Variants in SFXN5 observed in about 807,000 individuals in gnomAD.
The protein encoded by SFXN5 is sideroflexin 5, also known as sideroflexin-5.
A neutral mutation model predicts 50.2 loss-of-function variants in SFXN5; 43 were observed. The ratio of observed to expected loss-of-function variants is 0.86; its 90% CI spans 0.67 to 1.11. The LOEUF (loss-of-function observed/expected upper bound fraction) is 1.11. Ranked by LOEUF, SFXN5 falls within the 50% of genes least tolerant of loss-of-function variation. The pLI, the probability that SFXN5 is intolerant of heterozygous loss-of-function variation, is 0.00. For synonymous variants in SFXN5, 203 were observed against 185.8 expected (o/e 1.09, Z -0.75); for missense variants, 463 against 454.1 (o/e 1.02, Z -0.18).
intron 3 of SFXN5, among the ~76,000 whole-genome samples, chr2:73,024,778 G>C (rs1677346234): frequency 6.6e-6 from 1 of 152,178 alleles, no homozygotes; most frequent in Non-Finnish European, 1.5e-5. Context: ...TTTTATAATA[G>C]AATGGTTGTT....
At position 73,024,084 on chromosome 2, in the gene SFXN5, CT is replaced by C. The variant is rs769294520; in HGVS notation, c.250-871del. Among the ~76,000 whole-genome samples, 228 of 145,638 alleles carry C rather than the reference CT, an allele frequency of 1.6e-3. 1 individual carries two copies. The highest frequency in any genetic ancestry group is 2.6e-3 in the East Asian group (13 of 5,046). On this transcript the variant is annotated intron_variant, in intron 3 of 13. Transcript: ENST00000272433. ...ATTTTACAGATGTGATAAAGTAGGC[CT>C]TTTTTTTTTTTCACTGCAACCTCTG...
intron 2 of SFXN5, among the ~76,000 whole-genome samples, chr2:73,057,853 T>C (rs1186222657): frequency 1.3e-5 from 2 of 152,202 alleles, no homozygotes; most frequent in Non-Finnish European, 2.9e-5. Flanking sequence ...TCCTGCCACC[T>C]TGTGAAGAAG....
chr2:73,004,522 C>A (rs191431985), intron 6 of SFXN5, among the ~76,000 whole-genome samples: 3 of 152,084 alleles, frequency 2.0e-5, no homozygotes, highest in Non-Finnish European at 2.9e-5. Context: ...GTGAGTGTGT[C>A]CCGGCTATCT....
In SFXN5 at chr2:72,950,559, C is replaced by G. The variant is rs1339042122; in HGVS notation, c.946-5460G>C. On this transcript the variant is annotated intron_variant, in intron 13 of 13. Coordinates refer to ENST00000272433, the MANE Select transcript of SFXN5 (RefSeq NM_144579.3). This position sits in a 1 kb window ranked among gnomAD's most constrained non-coding sequence, Gnocchi z 4.2. Reference sequence around the variant, plus strand: ...CTAGGGGAGGCTGGGGCAGGAACCCCTGAGTTGCCTGCTCACCTATATGTG... The same window carrying G: ...CTAGGGGAGGCTGGGGCAGGAACCCGTGAGTTGCCTGCTCACCTATATGTG... Among the ~76,000 whole-genome samples, 2 of 152,190 alleles carry G rather than the reference C, an allele frequency of 1.3e-5. No homozygotes were observed. Among genetic ancestry groups the G allele is most frequent in the Non-Finnish European group, 2.9e-5 (2 of 68,026 alleles).
rs1559086583 is a variant in SFXN5 at position 72,958,703 on chromosome 2, C to CA, written c.945+2427_945+2428insT. ...ATGTCAGAGACCACTGAGAAATACC[C>CA]GCCTTCCCTCTTCAGGGCTACTAGG... On this transcript the variant is annotated intron_variant, in intron 13 of 13. Coordinates refer to ENST00000272433, the MANE Select transcript of SFXN5 (RefSeq NM_144579.3). 2.3e-3 allele frequency among the ~76,000 whole-genome samples: 13 copies of CA among 5,732 alleles called. No homozygotes were observed. The African/African-American group carries it at 0.029, about 13-fold the overall frequency. 3.8% of individuals were successfully genotyped at this position (5,732 alleles called of 152,430 possible). A position where few individuals can be genotyped will look rare whatever the true frequency, so the allele number is the denominator to read the frequency against.
chr2:73,054,180 A>T (rs1681778044), intron 2 of SFXN5, among the ~76,000 whole-genome samples: 1 of 152,206 alleles, frequency 6.6e-6, no homozygotes, highest in African/African-American at 2.4e-5. Context: ...CAAAAAGGCC[A>T]GCAGGTAGTC....
intron 9 of SFXN5, 186 bp downstream of exon 9, chr2:72,998,763 A>G (rs1673553878): frequency 8.1e-6 from 5 of 616,970 alleles, no homozygotes; most frequent in Non-Finnish European, 1.4e-5. Flanking sequence ...AGGGAGCACC[A>G]GGTTGTGCTC....
Position 72,944,761 on chromosome 2 carries a change from T to C in SFXN5, c.*261A>G, listed in dbSNP as rs545425142. 2 of 456,540 alleles carry C rather than the reference T, an allele frequency of 4.4e-6. No homozygotes were observed. Among genetic ancestry groups the C allele is most frequent in the South Asian group, 3.8e-5 (1 of 26,226 alleles). The allele number at this position is 456,540 out of a possible 1,614,324, so 28.3% of individuals were successfully genotyped here. On this transcript the variant is annotated 3_prime_UTR_variant, in exon 14 of 14. Coordinates refer to ENST00000272433, the MANE Select transcript of SFXN5 (RefSeq NM_144579.3). Reference sequence around the variant, plus strand: ...TTTTCAGCTTCACACATAATTGTGCTGAGTGGAGTTTTGACAACCCCACAT... The same window carrying C: ...TTTTCAGCTTCACACATAATTGTGCCGAGTGGAGTTTTGACAACCCCACAT...
chr2:73,012,923 T>C (rs1675714957), intron 6 of SFXN5, among the ~76,000 whole-genome samples: 1 of 152,110 alleles, frequency 6.6e-6, no homozygotes, highest in Admixed American at 6.6e-5. Flanking sequence ...GTATATATAA[T>C]GCAACCTCTC....
At position 72,973,953 on chromosome 2, in the gene SFXN5, C is replaced by T. The variant is rs187529584; in HGVS notation, c.626-2268G>A. Among the ~76,000 whole-genome samples the T allele has an allele frequency of 6.6e-6, 1 of 152,312 alleles. No homozygotes were observed. The highest frequency in any genetic ancestry group is 1.9e-4 in the East Asian group (1 of 5,182). On this transcript the variant is annotated intron_variant, in intron 10 of 13. Coordinates refer to ENST00000272433, the MANE Select transcript of SFXN5 (RefSeq NM_144579.3). The surrounding 1 kb of genome is among the most constrained non-coding windows in gnomAD (Gnocchi z 5.5). ...ACGCTGTCCACCATACCACCACCAC[C>T]GCCACTCCCAGAAAGGCAAAGTTAC...
At chr2:72,976,201 G>C (rs1670600136) in intron 10 of SFXN5, among the ~76,000 whole-genome samples, 1 of 152,036 alleles carries the variant, frequency 6.6e-6, no homozygotes, top group Non-Finnish European at 1.5e-5. Context: ...AGAATTAGGG[G>C]TTGTTGAAAG....
chr2:72,986,119 A>G (rs769866371), intron 10 of SFXN5, among the ~76,000 whole-genome samples: 35 of 152,222 alleles, frequency 2.3e-4, no homozygotes, highest in Non-Finnish European at 4.6e-4. Context: ...AGGCCCCTTA[A>G]CGAAGTCAGA....
At chr2:72,981,426 C>A (rs1291532820) in intron 10 of SFXN5, among the ~76,000 whole-genome samples, 1 of 152,122 alleles carries the variant, frequency 6.6e-6, no homozygotes, top group Non-Finnish European at 1.5e-5. Context: ...ATTTTTTGAA[C>A]AGCAAGGCTT....
At chr2:72,988,986 C>T (rs1672249002) in intron 9 of SFXN5, among the ~76,000 whole-genome samples, 1 of 152,204 alleles carries the variant, frequency 6.6e-6, no homozygotes, top group Non-Finnish European at 1.5e-5. Flanking sequence ...TGCCTGGGGT[C>T]TTCGTCACTC....
In SFXN5 at chr2:72,945,083, A is replaced by C; in HGVS notation, c.962T>G (p.Leu321Ter). The change falls in exon 14 of 14, where the codon TTA (leucine) becomes TGA (stop). Residue 321 changes from leucine to a stop codon, truncating the protein, a stop_gained. Coordinates refer to ENST00000272433, the MANE Select transcript of SFXN5 (RefSeq NM_144579.3). LOFTEE classifies it high-confidence loss of function. The surrounding 1 kb of genome is among the most constrained non-coding windows in gnomAD (Gnocchi z 5.8). Reference protein sequence around the residue: ...PQMSEIETSQLEPEIAQATSS... With the variant: ...PQMSEIETSQ ...CGTGGCCTGGGCTATCTCCGGCTCT[A>C]ATTGGGATGTTTCAATCTGTGGAGA... 1 of 1,613,892 alleles carries C rather than the reference A, an allele frequency of 6.2e-7. No homozygotes were observed. The highest frequency in any genetic ancestry group is 8.5e-7 in the Non-Finnish European group (1 of 1,179,882).
At chr2:73,066,410 T>G (rs13428265) in intron 1 of SFXN5, among the ~76,000 whole-genome samples, 4,695 of 151,790 alleles carry the variant, frequency 0.031, 240 homozygotes, top group African/African-American at 0.11. Context: ...ATACAAAAAT[T>G]AGCAAGGCAT....
intron 6 of SFXN5, among the ~76,000 whole-genome samples, chr2:73,011,421 A>T (rs1322906062): frequency 6.6e-6 from 1 of 152,232 alleles, no homozygotes; most frequent in Non-Finnish European, 1.5e-5. Flanking sequence ...CAAAAGAGAG[A>T]TCATTATATT....
intron 9 of SFXN5, among the ~76,000 whole-genome samples, chr2:72,993,182 A>C (rs1316943719): frequency 1.3e-5 from 2 of 152,140 alleles, no homozygotes; most frequent in African/African-American, 4.8e-5. Context: ...AATGTAACCA[A>C]GGTTAGGGGT....
chr2:73,042,219 T>C (rs373964383), intron 2 of SFXN5, among the ~76,000 whole-genome samples: 16 of 152,222 alleles, frequency 1.1e-4, no homozygotes, highest in African/African-American at 2.9e-4. Context: ...AGAATGTTCA[T>C]AGCAGCAGCA....
Sources: gnomAD v4.1 joint callset for allele counts (sites outside exome capture counted in the v4.1 genomes callset) on GRCh38, gnomAD v4.1.1 for gene constraint, Gnocchi (gnomAD v3.1) non-coding constraint, MANE v1.5 for transcripts, NCBI Gene and HGNC (gene_info 2026-07-23, HGNC 2026-07-21) for gene names.